The following RNF111 variants were observed in gnomAD, a reference collection of about 807,000 sequenced individuals.
The protein encoded by RNF111 is E3 ubiquitin-protein ligase Arkadia.
RNF111 carries 17 observed loss-of-function variants against 95.1 expected under a neutral mutation model. The observed-to-expected ratio is 0.18, with a 90% CI of 0.12 to 0.27. RNF111 has a LOEUF of 0.27. Ranked by LOEUF, RNF111 falls within the 10% of genes least tolerant of loss-of-function variation. RNF111 has a pLI of 1.00. For synonymous variants in RNF111, 440 were observed against 414.8 expected (o/e 1.06, Z -0.74); for missense variants, 1,189 against 1,210.4 (o/e 0.98, Z 0.26).
intron 1 of RNF111, among the ~76,000 whole-genome samples, chr15:58,998,812 T>C (rs913777407): frequency 2.0e-5 from 3 of 152,248 alleles, no homozygotes; most frequent in African/African-American, 7.2e-5. Context: ...GGTTGTGTTA[T>C]TAACAAAATT....
chr15:58,989,463 T>C (rs1265639742), intron 1 of RNF111, among the ~76,000 whole-genome samples: 4 of 152,202 alleles, frequency 2.6e-5, no homozygotes, highest in Admixed American at 2.6e-4. Flanking sequence ...ATCTAAATAA[T>C]ATTTTAGGAA....
intron 1 of RNF111, among the ~76,000 whole-genome samples, chr15:58,990,955 A>G (rs1402274423): frequency 6.6e-6 from 1 of 152,094 alleles, no homozygotes; most frequent in African/African-American, 2.4e-5. Context: ...ACAGGTACTC[A>G]ATTTATATCA....
intron 10 of RNF111, among the ~76,000 whole-genome samples, chr15:59,088,359 C>T (rs1287239298): frequency 1.3e-5 from 2 of 152,044 alleles, no homozygotes; most frequent in East Asian, 1.9e-4. Context: ...AGTTCCTTTC[C>T]GATTTCTTTG....
chr15:59,017,393 T>A lies in RNF111; in HGVS notation c.-19-13411T>A, dbSNP rs1254018317. 3.9e-5 allele frequency among the ~76,000 whole-genome samples: 6 copies of A among 152,360 alleles called. No individual in the cohort carries two copies. In the East Asian group the frequency reaches 1.2e-3, roughly 29 times the overall value. On this transcript the variant is annotated intron_variant, in intron 1 of 13. Transcript: ENST00000348370. ...GTTCAGTATGTAAAATGTGCTGCTG[T>A]AAAGATTTAAGAGCTTATTTCGAAA...
chr15:59,005,404 A>T (rs1451275826), intron 1 of RNF111, among the ~76,000 whole-genome samples: 1 of 152,254 alleles, frequency 6.6e-6, no homozygotes, highest in Admixed American at 6.5e-5. Flanking sequence ...AACAAATTTT[A>T]TCTAAATAAA....
At position 59,076,189 on chromosome 15, in the gene RNF111, C is replaced by T. The variant is rs755408241; in HGVS notation, c.1922C>T (p.Ser641Leu). Residue 641 changes from serine (S) to leucine (L), a missense_variant, in exon 7 of 14, where the codon TCA becomes TTA. By Grantham distance (145) the Ser-to-Leu change is moderately radical. Around this residue, in one of 2 missense-constraint regions of RNF111, gnomAD observed 1,024 missense variants for 925.9 expected, o/e 1.11. Coordinates refer to ENST00000348370, the MANE Select transcript of RNF111 (RefSeq NM_017610.8). ...PQPPPQPSLS[S>L]CRHYMPPPYA... ...CCCCCTCCACAGCCCTCTCTCTCAT[C>T]ATGTCGACATTACATGCCACCCCCT... is the stretch of plus-strand genomic sequence containing the variant. The T allele has an allele frequency of 6.2e-7, 1 of 1,613,676 alleles. No homozygotes were observed. The highest frequency in any genetic ancestry group is 2.2e-5 in the East Asian group (1 of 44,886).
intron 2 of RNF111, among the ~76,000 whole-genome samples, chr15:59,032,982 A>G (rs1379894600): frequency 6.6e-6 from 1 of 152,204 alleles, no homozygotes; most frequent in African/African-American, 2.4e-5. Context: ...TTCCATGTAT[A>G]CAAACCATCC....
intron 6 of RNF111, among the ~76,000 whole-genome samples, chr15:59,068,710 C>T (rs1348902249): frequency 6.6e-6 from 1 of 152,018 alleles, no homozygotes; most frequent in Admixed American, 6.6e-5. Context: ...CTATGTCACC[C>T]GACCTTTCCT....
At chr15:59,059,328 G>T (rs2042335539) in intron 5 of RNF111, among the ~76,000 whole-genome samples, 1 of 152,174 alleles carries the variant, frequency 6.6e-6, no homozygotes, top group African/African-American at 2.4e-5. Flanking sequence ...CAACTAGGGT[G>T]TCTATAACAC....
At chr15:59,072,009 C>T (rs2042949446) in intron 6 of RNF111, among the ~76,000 whole-genome samples, 1 of 152,156 alleles carries the variant, frequency 6.6e-6, no homozygotes, top group Non-Finnish European at 1.5e-5. Flanking sequence ...TTTAAAAATA[C>T]TTCAGTTTAA....
Position 59,061,255 on chromosome 15 carries a change from T to G in RNF111, c.1366+2705T>G, listed in dbSNP as rs551372115. Reference sequence around the variant, plus strand: ...AGTCCTAAATGGGCCTCTCTTAAGGTCAATTTCCTTCCAGGACCCTATGGA... The same window carrying G: ...AGTCCTAAATGGGCCTCTCTTAAGGGCAATTTCCTTCCAGGACCCTATGGA... On this transcript the variant is annotated intron_variant, in intron 5 of 13. Coordinates refer to ENST00000348370, the MANE Select transcript of RNF111 (RefSeq NM_017610.8). Among the ~76,000 whole-genome samples, 87 of 152,344 alleles carry G rather than the reference T, an allele frequency of 5.7e-4. 1 individual carries two copies. In the Middle Eastern group the frequency reaches 0.041, roughly 72 times the overall value.
At chr15:59,086,041 C>T (rs578193851) in intron 10 of RNF111, among the ~76,000 whole-genome samples, 1 of 151,502 alleles carries the variant, frequency 6.6e-6, no homozygotes, top group Non-Finnish European at 1.5e-5. Context: ...ACTCTTAATC[C>T]ACTGTCAGGA....
intron 1 of RNF111, among the ~76,000 whole-genome samples, chr15:59,009,642 C>T (rs2039699720): frequency 1.3e-5 from 2 of 151,664 alleles, no homozygotes. Context: ...AGAATATTAC[C>T]CAGTAATTTG....
intron 6 of RNF111, among the ~76,000 whole-genome samples, chr15:59,067,778 G>A (rs1417570496): frequency 1.3e-5 from 2 of 152,036 alleles, no homozygotes; most frequent in Non-Finnish European, 2.9e-5. Context: ...TGAAAAATTG[G>A]AAAATTCTCC....
At chr15:59,013,516 GAAGTA>G (rs1269031360) in intron 1 of RNF111, among the ~76,000 whole-genome samples, 1 of 152,196 alleles carries the variant, frequency 6.6e-6, no homozygotes, top group African/African-American at 2.4e-5. Flanking sequence ...GAATACCACA[GAAGTA>G]AAGTGCCCTG....
chr15:59,081,371 A>T, intron 8 of RNF111, 87 bp downstream of exon 8: 8 of 1,134,966 alleles, frequency 7.0e-6, no homozygotes, highest in South Asian at 4.5e-5. Context: ...CCAACTAGGC[A>T]TGGTGGCATG....
chr15:59,033,715 A>G (rs1055104269), intron 2 of RNF111, among the ~76,000 whole-genome samples: 5 of 152,232 alleles, frequency 3.3e-5, no homozygotes, highest in African/African-American at 9.7e-5. Flanking sequence ...AGCCTCAAGT[A>G]TTAAAGAGAA....
intron 1 of RNF111, among the ~76,000 whole-genome samples, chr15:59,010,326 A>C (rs1343706250): frequency 1.3e-5 from 2 of 152,206 alleles, no homozygotes; most frequent in African/African-American, 4.8e-5. Flanking sequence ...GAGAAGAGCA[A>C]ATTTCATATT....
intron 2 of RNF111, among the ~76,000 whole-genome samples, chr15:59,047,370 C>T (rs572423274): frequency 2.5e-4 from 38 of 152,162 alleles, no homozygotes; most frequent in African/African-American, 8.4e-4. Flanking sequence ...TGGCAGGTAC[C>T]TGTAGTCGCA....
Sources: allele counts gnomAD v4.1 joint callset (sites outside exome capture counted in the v4.1 genomes callset), GRCh38; gene constraint gnomAD v4.1.1; regional missense constraint gnomAD v4.1.1; transcripts MANE v1.5; gene names NCBI Gene and HGNC (gene_info 2026-07-23, HGNC 2026-07-21).